Variants in PHACTR3 observed in about 807,000 individuals in gnomAD.
PHACTR3 encodes the protein protein phosphatase 1, regulatory subunit 123.
Under a neutral mutation model 66.8 loss-of-function variants are expected in PHACTR3, and 16 were observed. The observed-to-expected ratio is 0.24, with a 90% CI of 0.16 to 0.36. The LOEUF (loss-of-function observed/expected upper bound fraction) is 0.36, where lower values mean the gene tolerates loss of function less well. Ranked by LOEUF, PHACTR3 falls within the 10% of genes least tolerant of loss-of-function variation. The probability of loss-of-function intolerance (pLI) is 1.00; values close to 1 mark genes in which losing one functional copy is unlikely to be tolerated. For synonymous variants in PHACTR3, 323 were observed against 292.1 expected (o/e 1.11, Z -1.08); for missense variants, 647 against 719.9 (o/e 0.90, Z 1.16).
intron 7 of PHACTR3, among the ~76,000 whole-genome samples, chr20:59,800,386 C>T (rs996612281): frequency 2.0e-5 from 3 of 152,022 alleles, no homozygotes; most frequent in African/African-American, 4.8e-5. Flanking sequence ...CAAGAAGGTA[C>T]TTATTTTGTC....
rs559535388 is a variant in PHACTR3, at chr20:59,840,679, T to C, written c.1446+249T>C. On this transcript the variant is annotated intron_variant, in intron 10 of 12. Transcript: ENST00000371015. ...GGAGAGGTGCACAATGCACATGACA[T>C]TTTTTACTTATGTTCAGGTGGAAGC... is the stretch of plus-strand genomic sequence containing the variant. Among the ~76,000 whole-genome samples, 43 of 152,366 alleles carry C rather than the reference T, an allele frequency of 2.8e-4. No individual in the cohort carries two copies. The South Asian group carries it at 8.5e-3, about 30-fold the overall frequency.
intron 10 of PHACTR3, 27 bp from the exon 11 acceptor site, chr20:59,841,357 GGCATGTGATAC>G (rs1355158986): frequency 6.3e-7 from 1 of 1,583,644 alleles, no homozygotes; most frequent in South Asian, 1.2e-5. Context: ...AAGCTAGTTT[GGCATGTGATAC>G]TTAACTATGA....
At chr20:59,670,886 G>A (rs184404954) in intron 1 of PHACTR3, among the ~76,000 whole-genome samples, 124 of 152,276 alleles carry the variant, frequency 8.1e-4, no homozygotes, top group African/African-American at 2.8e-3. Context: ...TCTCCTGGGC[G>A]TTGCTCACCA....
chr20:59,814,277 G>A (rs535901909), intron 8 of PHACTR3, among the ~76,000 whole-genome samples: 7 of 152,326 alleles, frequency 4.6e-5, no homozygotes, highest in South Asian at 2.1e-4. Context: ...TCCTGGGGAC[G>A]CGGGGCTGCA....
chr20:59,666,767 C>T (rs767107600), intron 1 of PHACTR3, among the ~76,000 whole-genome samples: 37 of 152,178 alleles, frequency 2.4e-4, no homozygotes, highest in Non-Finnish European at 4.3e-4. Context: ...GGGGCGGGAG[C>T]CCACTCCCGG....
intron 1 of PHACTR3, among the ~76,000 whole-genome samples, chr20:59,719,345 A>G (rs2038207787): frequency 6.6e-6 from 1 of 152,044 alleles, no homozygotes; most frequent in South Asian, 2.1e-4. Context: ...TTGTATTTTT[A>G]GTAGAGACAG....
chr20:59,586,155 T>A (rs2146305460), intron 1 of PHACTR3, among the ~76,000 whole-genome samples: 1 of 152,354 alleles, frequency 6.6e-6, no homozygotes, highest in Admixed American at 6.5e-5. Context: ...GCCTGCTCTG[T>A]GGTCATTCTG....
intron 1 of PHACTR3, chr20:59,626,491 C>G (rs1008384314): frequency 1.3e-5 from 2 of 152,314 alleles, no homozygotes; most frequent in African/African-American, 2.4e-5. Context: ...TGACTACCCT[C>G]GAGAAGAGCA....
intron 7 of PHACTR3, among the ~76,000 whole-genome samples, chr20:59,779,266 C>T (rs1353109063): frequency 3.3e-5 from 5 of 152,296 alleles, no homozygotes; most frequent in Admixed American, 2.0e-4. Flanking sequence ...TCAACTGTGT[C>T]CCCAATGCTC....
chr20:59,805,644 T>C (rs1411600233), intron 7 of PHACTR3, among the ~76,000 whole-genome samples: 1 of 152,038 alleles, frequency 6.6e-6, no homozygotes, highest in African/African-American at 2.4e-5. Context: ...AGGGAGAAAG[T>C]GCAGGGACCA....
intron 1 of PHACTR3, among the ~76,000 whole-genome samples, chr20:59,682,027 AG>A (rs1324373326): frequency 1.0e-4 from 15 of 143,096 alleles, no homozygotes; most frequent in African/African-American, 2.5e-4. Context: ...AAAAAAAGAA[AG>A]AAAGAAAGAA....
chr20:59,815,780 A>G (rs2041870707), intron 8 of PHACTR3, among the ~76,000 whole-genome samples: 1 of 152,090 alleles, frequency 6.6e-6, no homozygotes, highest in Non-Finnish European at 1.5e-5. Flanking sequence ...GAGGCTTGTG[A>G]TCATTTATCT....
chr20:59,671,405 G>A (rs2036193047), intron 1 of PHACTR3, among the ~76,000 whole-genome samples: 1 of 152,202 alleles, frequency 6.6e-6, no homozygotes. Context: ...AGAATTCAAA[G>A]GCAGTGCTGG....
chr20:59,666,025 C>T (rs948718429), intron 1 of PHACTR3, among the ~76,000 whole-genome samples: 3 of 152,040 alleles, frequency 2.0e-5, no homozygotes, highest in Non-Finnish European at 4.4e-5. Flanking sequence ...GGACTGGGGC[C>T]CAGGGGCTGG....
intron 5 of PHACTR3, among the ~76,000 whole-genome samples, chr20:59,771,233 C>A (rs2146883876): frequency 6.6e-6 from 1 of 152,250 alleles, no homozygotes. Context: ...CCTCATGGGG[C>A]TGGGGTGAGA....
chr20:59,732,787 A>T (rs1443347141), intron 1 of PHACTR3, among the ~76,000 whole-genome samples: 1 of 152,102 alleles, frequency 6.6e-6, no homozygotes, highest in Non-Finnish European at 1.5e-5. Context: ...TCATTCATTT[A>T]TTCACTCGCT....
At chr20:59,805,415 A>G (rs1776402942) in intron 7 of PHACTR3, among the ~76,000 whole-genome samples, 2 of 152,218 alleles carry the variant, frequency 1.3e-5, no homozygotes, top group African/African-American at 4.8e-5. Context: ...CAGGAGACAG[A>G]TGGTAAACAA....
chr20:59,587,575 A>G (rs1232814349), intron 1 of PHACTR3, among the ~76,000 whole-genome samples: 10 of 152,346 alleles, frequency 6.6e-5, no homozygotes, highest in Admixed American at 5.9e-4. Context: ...TCAGGGGTGC[A>G]GGTGGGCTTA....
rs984192460 is a variant in PHACTR3 at position 59,847,378 on chromosome 20, ACT to A, written c.*251_*252del. 4.4e-4 allele frequency: 162 copies of A among 368,822 alleles called. 1 individual carries two copies. Among genetic ancestry groups the A allele is most frequent in the African/African-American group, 5.6e-4 (28 of 50,024 alleles). The allele number at this position is 368,822 out of a possible 1,614,324, so 22.8% of individuals were successfully genotyped here. A position where few individuals can be genotyped will look rare whatever the true frequency, so the allele number is the denominator to read the frequency against. ...TTGGGGTCAGTTAAGACCCAACATA[ACT>A]CTATCAGAAGAAAACTGTTGTTTGC... On this transcript the variant is annotated 3_prime_UTR_variant, in exon 13 of 13. Coordinates refer to ENST00000371015, the MANE Select transcript of PHACTR3 (RefSeq NM_080672.5).
Sources: gnomAD v4.1 joint callset for allele counts (sites outside exome capture counted in the v4.1 genomes callset) on GRCh38, gnomAD v4.1.1 for gene constraint, MANE v1.5 for transcripts, NCBI Gene and HGNC (gene_info 2026-07-23, HGNC 2026-07-21) for gene names.